AFG2A: variants seen among roughly 807,000 people sequenced by gnomAD.
AFG2A encodes the protein AAA ATPase AFG2A, also known as ATPase family gene 2 protein homolog A.
At chr4:123,105,355 C>T in the AFG2A span, among the ~76,000 whole-genome samples, 1 of 152,140 alleles carries the variant, frequency 6.6e-6, no homozygotes, top group Non-Finnish European at 1.5e-5. Flanking sequence ...TGTTCATTGA[C>T]AATGCACATG....
chr4:122,925,094 T>C, the AFG2A span, among the ~76,000 whole-genome samples: 1 of 152,084 alleles, frequency 6.6e-6, no homozygotes, highest in African/African-American at 2.4e-5. Flanking sequence ...CTCTGTTCAG[T>C]TTTTCCCGCT....
the AFG2A span, among the ~76,000 whole-genome samples, chr4:123,289,760 T>A: frequency 3.3e-5 from 5 of 151,420 alleles, no homozygotes; most frequent in East Asian, 9.7e-4. Context: ...GGTTTTAATT[T>A]GGAGTTCTCT....
chr4:123,288,460 G>A, the AFG2A span, among the ~76,000 whole-genome samples: 4 of 152,138 alleles, frequency 2.6e-5, no homozygotes, highest in African/African-American at 9.7e-5. Context: ...TACAAGTAGA[G>A]GGAAAGGGGT....
At chr4:123,149,733 T>C in the AFG2A span, among the ~76,000 whole-genome samples, 1 of 152,062 alleles carries the variant, frequency 6.6e-6, no homozygotes, top group Admixed American at 6.6e-5. Context: ...CTAACTAATG[T>C]GATTTTCATC....
At chr4:123,296,542 A>G in the AFG2A span, among the ~76,000 whole-genome samples, 1 of 152,224 alleles carries the variant, frequency 6.6e-6, no homozygotes, top group Non-Finnish European at 1.5e-5. Context: ...GTGTTACAGT[A>G]TATCTTTAGA....
chr4:122,936,338 TATTAA>T, the AFG2A span, among the ~76,000 whole-genome samples: 1 of 152,214 alleles, frequency 6.6e-6, no homozygotes, highest in African/African-American at 2.4e-5. Context: ...TGATAAATAT[TATTAA>T]ATTACATAAA....
the AFG2A span, among the ~76,000 whole-genome samples, chr4:122,993,643 G>T: frequency 6.6e-6 from 1 of 151,924 alleles, no homozygotes; most frequent in African/African-American, 2.4e-5. Flanking sequence ...TCTAATTTAT[G>T]ATATATGACA....
the AFG2A span, chr4:122,934,144 G>A: frequency 6.2e-7 from 1 of 1,613,872 alleles, no homozygotes; most frequent in South Asian, 1.1e-5. Context: ...TACATTCTAT[G>A]GACGACCGTA....
the AFG2A span, among the ~76,000 whole-genome samples, chr4:123,110,817 G>A: frequency 6.6e-6 from 1 of 152,180 alleles, no homozygotes; most frequent in East Asian, 1.9e-4. Context: ...AGCTTGCCAT[G>A]ATTCAGGAAC....
At chr4:123,114,313 C>A in the AFG2A span, among the ~76,000 whole-genome samples, 4 of 152,146 alleles carry the variant, frequency 2.6e-5, no homozygotes, top group African/African-American at 9.7e-5. Flanking sequence ...GAAGATGAGG[C>A]CTCACCAGGG....
At chr4:123,185,347 A>G in the AFG2A span, among the ~76,000 whole-genome samples, 258 of 152,136 alleles carry the variant, frequency 1.7e-3, no homozygotes, top group Middle Eastern at 3.4e-3. Context: ...AAGTCATAAT[A>G]ACTGTTACAA....
At chr4:123,310,242 G>C in the AFG2A span, among the ~76,000 whole-genome samples, 3 of 152,202 alleles carry the variant, frequency 2.0e-5, no homozygotes, top group Admixed American at 2.0e-4. Flanking sequence ...TTGGTTTAGA[G>C]CTTTAGAGAG....
the AFG2A span, among the ~76,000 whole-genome samples, chr4:123,055,429 T>A: frequency 6.6e-5 from 10 of 152,302 alleles, no homozygotes; most frequent in East Asian, 1.7e-3. Context: ...ATAGTACTTG[T>A]CATACAGTAT....
At chr4:123,262,847 A>G in the AFG2A span, among the ~76,000 whole-genome samples, 2 of 152,242 alleles carry the variant, frequency 1.3e-5, no homozygotes, top group African/African-American at 4.8e-5. Flanking sequence ...GCAGAATGCT[A>G]TAGGAGAAAG....
chr4:122,985,726 C>T, the AFG2A span, among the ~76,000 whole-genome samples: 1 of 147,736 alleles, frequency 6.8e-6, no homozygotes. Flanking sequence ...AAAGAATCAG[C>T]TTTTTGTTTC....
the AFG2A span, among the ~76,000 whole-genome samples, chr4:122,986,439 T>C: frequency 6.6e-6 from 1 of 152,200 alleles, no homozygotes; most frequent in Admixed American, 6.5e-5. Context: ...GTAATTGTTT[T>C]ATACATTTGG....
At chr4:122,999,249 T>G in the AFG2A span, among the ~76,000 whole-genome samples, 1 of 151,992 alleles carries the variant, frequency 6.6e-6, no homozygotes, top group Non-Finnish European at 1.5e-5. Context: ...TTTCTCCCAT[T>G]TTGTAGGTTG....
chr4:122,980,654 C>T, the AFG2A span, among the ~76,000 whole-genome samples: 1 of 152,164 alleles, frequency 6.6e-6, no homozygotes. Flanking sequence ...TCCTTGGCAA[C>T]ACTTATCTTT....
chr4:123,052,732 A>G, the AFG2A span, among the ~76,000 whole-genome samples: 1 of 152,176 alleles, frequency 6.6e-6, no homozygotes, highest in African/African-American at 2.4e-5. Context: ...TATGAAAAGG[A>G]GTTTATTAAG....
Sources: gnomAD v4.1 joint callset for allele counts (sites outside exome capture counted in the v4.1 genomes callset) on GRCh38, gnomAD v4.1.1 for gene constraint, MANE v1.5 for transcripts, NCBI Gene and HGNC (gene_info 2026-07-23, HGNC 2026-07-21) for gene names.